SMYD3: variants seen among roughly 807,000 people sequenced by gnomAD.
The protein encoded by SMYD3 is histone-lysine N-methyltransferase SMYD3.
SMYD3 carries 36 observed loss-of-function variants against 57.7 expected under a neutral mutation model. The observed-to-expected ratio is 0.62, with a 90% CI of 0.48 to 0.82. SMYD3 has a LOEUF of 0.82. Among genes scored for constraint, SMYD3 ranks in the 40% least tolerant of loss-of-function variants. The probability of loss-of-function intolerance (pLI) is 0.00; values close to 1 mark genes in which losing one functional copy is unlikely to be tolerated. For synonymous variants in SMYD3, 211 were observed against 195.0 expected (o/e 1.08, Z -0.68); for missense variants, 515 against 538.8 (o/e 0.96, Z 0.44).
At chr1:246,375,878 C>T (rs938418177) in intron 1 of SMYD3, among the ~76,000 whole-genome samples, 1 of 151,832 alleles carries the variant, frequency 6.6e-6, no homozygotes, top group African/African-American at 2.4e-5. Context: ...TACAGGTGTG[C>T]ACCACCACGC....
intron 1 of SMYD3, among the ~76,000 whole-genome samples, chr1:246,392,077 T>C (rs531993065): frequency 6.6e-6 from 1 of 152,292 alleles, no homozygotes; most frequent in East Asian, 1.9e-4. Flanking sequence ...TCTCCAACTA[T>C]CATTTGAATT....
intron 5 of SMYD3, among the ~76,000 whole-genome samples, chr1:246,181,064 T>C (rs771902208): frequency 6.6e-6 from 1 of 152,180 alleles, no homozygotes; most frequent in Non-Finnish European, 1.5e-5. Context: ...TCTCTCCACA[T>C]GCATTCCCAT....
chr1:246,444,226 A>C (rs2067515875), intron 1 of SMYD3, among the ~76,000 whole-genome samples: 1 of 151,380 alleles, frequency 6.6e-6, no homozygotes, highest in Non-Finnish European at 1.5e-5. Flanking sequence ...TCCCAGGTTC[A>C]AGCAATTTTC....
intron 8 of SMYD3, among the ~76,000 whole-genome samples, chr1:245,881,477 T>C (rs959373977): frequency 2.6e-5 from 4 of 152,224 alleles, no homozygotes; most frequent in African/African-American, 9.7e-5. Flanking sequence ...AAAAGTCATT[T>C]TGAAGCATCA....
chr1:246,330,117 C>T (rs1037849388), intron 4 of SMYD3, among the ~76,000 whole-genome samples: 3 of 152,110 alleles, frequency 2.0e-5, no homozygotes, highest in South Asian at 2.1e-4. Flanking sequence ...TCTGTGGAAT[C>T]CCCCTGTTCA....
At chr1:245,978,021 C>T (rs1006688607) in intron 5 of SMYD3, among the ~76,000 whole-genome samples, 8 of 152,224 alleles carry the variant, frequency 5.3e-5, no homozygotes, top group Admixed American at 5.2e-4. Flanking sequence ...GGTGCAAGCC[C>T]AGTCTCACCC....
intron 5 of SMYD3, among the ~76,000 whole-genome samples, chr1:246,179,802 G>A (rs1050363708): frequency 1.9e-4 from 29 of 152,232 alleles, no homozygotes; most frequent in Admixed American, 5.2e-4. Flanking sequence ...TGTTGATAGC[G>A]GAGATTTGGA....
chr1:246,173,253 G>A (rs555870892), intron 5 of SMYD3, among the ~76,000 whole-genome samples: 4 of 150,746 alleles, frequency 2.7e-5, no homozygotes, highest in African/African-American at 7.3e-5. Context: ...AGGCTACACC[G>A]GCCTAGAACA....
chr1:245,760,401 G>T (rs187154662), intron 11 of SMYD3, among the ~76,000 whole-genome samples: 2 of 152,234 alleles, frequency 1.3e-5, no homozygotes, highest in Non-Finnish European at 2.9e-5. Context: ...GCTCAGGAAA[G>T]AAAGACTTTC....
At chr1:246,382,457 G>A (rs192926796) in intron 1 of SMYD3, among the ~76,000 whole-genome samples, 1 of 151,940 alleles carries the variant, frequency 6.6e-6, no homozygotes, top group Non-Finnish European at 1.5e-5. Flanking sequence ...AGTAAACTCA[G>A]CATCCACAGC....
intron 5 of SMYD3, among the ~76,000 whole-genome samples, chr1:245,989,975 C>T (rs2058783628): frequency 6.6e-6 from 1 of 152,214 alleles, no homozygotes; most frequent in Non-Finnish European, 1.5e-5. Context: ...CTAACACCAA[C>T]AACTGTAAAT....
chr1:246,426,437 T>A (rs2103003573), intron 1 of SMYD3, among the ~76,000 whole-genome samples: 1 of 152,308 alleles, frequency 6.6e-6, no homozygotes, highest in East Asian at 1.9e-4. Flanking sequence ...CTCCCAGCCC[T>A]ACACAGCCAC....
intron 5 of SMYD3, among the ~76,000 whole-genome samples, chr1:246,317,665 T>C (rs1439556084): frequency 6.6e-6 from 1 of 152,242 alleles, no homozygotes; most frequent in African/African-American, 2.4e-5. Flanking sequence ...AGGTAATGCA[T>C]ATGTTAATTT....
At chr1:246,094,437 C>T (rs2060877620) in intron 5 of SMYD3, among the ~76,000 whole-genome samples, 1 of 152,186 alleles carries the variant, frequency 6.6e-6, no homozygotes, top group African/African-American at 2.4e-5. Flanking sequence ...AAGCCCAGTC[C>T]TTGCACTTCC....
At chr1:246,428,124 G>A (rs2067247533) in intron 1 of SMYD3, among the ~76,000 whole-genome samples, 2 of 152,164 alleles carry the variant, frequency 1.3e-5, no homozygotes, top group South Asian at 4.1e-4. Flanking sequence ...TAAGGGGGAA[G>A]GAAGGTAGTT....
intron 1 of SMYD3, among the ~76,000 whole-genome samples, chr1:246,421,387 C>A (rs963839510): frequency 6.6e-6 from 1 of 151,406 alleles, no homozygotes; most frequent in Admixed American, 6.6e-5. Context: ...ATCTCAAGAC[C>A]CCCACTGTAT....
At chr1:246,346,519 G>A (rs984096089) in intron 2 of SMYD3, among the ~76,000 whole-genome samples, 1 of 152,132 alleles carries the variant, frequency 6.6e-6, no homozygotes, top group Non-Finnish European at 1.5e-5. Flanking sequence ...ACAGGGCTGT[G>A]GAGGAAACTT....
intron 2 of SMYD3, among the ~76,000 whole-genome samples, chr1:246,354,363 G>A (rs551132307): frequency 6.6e-6 from 1 of 152,084 alleles, no homozygotes; most frequent in Non-Finnish European, 1.5e-5. Flanking sequence ...AGGATATTTG[G>A]CATTATCTTT....
chr1:245,813,903 T>TACAC (rs1553330999), intron 10 of SMYD3, among the ~76,000 whole-genome samples: 1 of 145,936 alleles, frequency 6.9e-6, no homozygotes, highest in African/African-American at 2.7e-5. Flanking sequence ...TATATATATA[T>TACAC]ACAGATGAAT....
Sources: gnomAD v4.1 joint callset for allele counts (sites outside exome capture counted in the v4.1 genomes callset) on GRCh38, gnomAD v4.1.1 for gene constraint, MANE v1.5 for transcripts, NCBI Gene and HGNC (gene_info 2026-07-23, HGNC 2026-07-21) for gene names.